GLIS3: variants seen among roughly 807,000 people sequenced by gnomAD.
The protein encoded by GLIS3 is GLIS family zinc finger 3, also known as zinc finger protein GLIS3.
GLIS3 carries 53 observed loss-of-function variants against 78.6 expected under a neutral mutation model. The ratio of observed to expected loss-of-function variants is 0.67; its 90% CI spans 0.54 to 0.85. The LOEUF (loss-of-function observed/expected upper bound fraction) is 0.85, where lower values mean the gene tolerates loss of function less well. Among genes scored for constraint, GLIS3 ranks in the 40% least tolerant of loss-of-function variants. GLIS3 has a pLI of 0.00. For synonymous variants in GLIS3, 684 were observed against 509.9 expected, an observed-to-expected ratio of 1.34 and a Z score of -4.60; for missense variants, 1,703 against 1,231.1, an observed-to-expected ratio of 1.38 and a Z score of -5.74.
intron 2 of GLIS3, among the ~76,000 whole-genome samples, chr9:4,137,815 A>G (rs1205394728): frequency 6.6e-6 from 1 of 152,234 alleles, no homozygotes; most frequent in African/African-American, 2.4e-5. Context: ...TAGTATAGCA[A>G]GAGTGTTAAA....
chr9:3,931,713 A>G (rs998980502), intron 6 of GLIS3, among the ~76,000 whole-genome samples: 15 of 152,234 alleles, frequency 9.9e-5, no homozygotes, highest in Admixed American at 9.8e-4. Flanking sequence ...CCAGGTGGAC[A>G]GGATGGTTGG....
At chr9:4,295,675 C>T (rs1587347446) in intron 1 of GLIS3, among the ~76,000 whole-genome samples, 2 of 152,272 alleles carry the variant, frequency 1.3e-5, no homozygotes, top group South Asian at 4.2e-4. Context: ...TGATAATGCT[C>T]TGTTTCTTGA....
the GLIS3 span, among the ~76,000 whole-genome samples, chr9:4,354,505 C>G: frequency 6.6e-6 from 1 of 152,120 alleles, no homozygotes; most frequent in African/African-American, 2.4e-5. Flanking sequence ...ACTATATTCC[C>G]TACAATAATA....
At chr9:4,050,084 C>A (rs565189957) in intron 4 of GLIS3, among the ~76,000 whole-genome samples, 6 of 152,250 alleles carry the variant, frequency 3.9e-5, no homozygotes, top group African/African-American at 1.4e-4. Flanking sequence ...TTGACCCAGC[C>A]ATCCCATTAC....
chr9:3,922,913 G>C (rs1824983834), intron 6 of GLIS3, among the ~76,000 whole-genome samples: 2 of 152,134 alleles, frequency 1.3e-5, no homozygotes, highest in Non-Finnish European at 2.9e-5. Flanking sequence ...AAGAAGGAAG[G>C]AAGTCAGTTG....
chr9:4,102,404 C>G (rs914654457), intron 4 of GLIS3, among the ~76,000 whole-genome samples: 3 of 152,130 alleles, frequency 2.0e-5, no homozygotes, highest in Non-Finnish European at 4.4e-5. Context: ...GGCCCTGTCT[C>G]TACAATGAAT....
chr9:3,959,506 A>C (rs184194549), intron 4 of GLIS3, among the ~76,000 whole-genome samples: 51 of 152,284 alleles, frequency 3.3e-4, no homozygotes, highest in Non-Finnish European at 6.2e-4. Context: ...TACCCAAAAG[A>C]AACTCCAAAT....
intron 6 of GLIS3, among the ~76,000 whole-genome samples, chr9:3,911,656 G>A (rs532909173): frequency 6.6e-6 from 1 of 152,286 alleles, no homozygotes; most frequent in African/African-American, 2.4e-5. Context: ...CCTTACTGAT[G>A]AAATATTAGA....
chr9:3,950,258 C>T (rs192992943), intron 4 of GLIS3, among the ~76,000 whole-genome samples: 1 of 152,332 alleles, frequency 6.6e-6, no homozygotes, highest in Admixed American at 6.5e-5. Context: ...TCTCCCCCAT[C>T]CACTCTTGTC....
chr9:3,872,617 G>A (rs1258094855), intron 8 of GLIS3, among the ~76,000 whole-genome samples: 1 of 152,118 alleles, frequency 6.6e-6, no homozygotes, highest in Non-Finnish European at 1.5e-5. Context: ...GCACTACCAA[G>A]ACAACAGTAT....
chr9:4,312,260 G>C (rs1817374733), intron 2 of GLIS3, among the ~76,000 whole-genome samples: 1 of 151,246 alleles, frequency 6.6e-6, no homozygotes, highest in Non-Finnish European at 1.5e-5. Flanking sequence ...TTGAGGTCAG[G>C]AGTTCAAGAC....
intron 2 of GLIS3, among the ~76,000 whole-genome samples, chr9:4,154,602 G>A (rs986211530): frequency 2.8e-5 from 3 of 105,730 alleles, no homozygotes; most frequent in African/African-American, 1.3e-4. Context: ...CAGTCCTTGC[G>A]AATCAATGAT....
At chr9:4,391,693 T>C in the GLIS3 span, among the ~76,000 whole-genome samples, 4 of 152,166 alleles carry the variant, frequency 2.6e-5, no homozygotes, top group African/African-American at 9.7e-5. Flanking sequence ...GAAATTCAGA[T>C]AGAGGTTTGT....
chr9:4,124,094 A>C (rs951191606), intron 3 of GLIS3, among the ~76,000 whole-genome samples: 6 of 152,136 alleles, frequency 3.9e-5, no homozygotes. Flanking sequence ...AAATACACAA[A>C]CCAAGGCTCA....
the GLIS3 span, among the ~76,000 whole-genome samples, chr9:4,423,633 G>A: frequency 6.6e-6 from 1 of 152,088 alleles, no homozygotes; most frequent in East Asian, 1.9e-4. Context: ...ATTTCTAGAG[G>A]ATATCACAAG....
chr9:4,449,537 C>T, the GLIS3 span, among the ~76,000 whole-genome samples: 7 of 152,174 alleles, frequency 4.6e-5, no homozygotes, highest in African/African-American at 7.2e-5. Context: ...CCCTGACCCC[C>T]GTGTAGCCTA....
intron 2 of GLIS3, among the ~76,000 whole-genome samples, chr9:4,212,931 T>G (rs1370914419): frequency 6.6e-6 from 1 of 152,024 alleles, no homozygotes; most frequent in Non-Finnish European, 1.5e-5. Context: ...ATAATCAGAT[T>G]TGGGGTTTGC....
rs1358490021 is a variant in GLIS3 at position 3,826,504 on chromosome 9, T to C, written c.*1768A>G. ...GCTAACTCATCTCTTTTGCAGACTT[T>C]GACGTCTACGTGAAAGCTTTTCTTA... On this transcript the variant is annotated 3_prime_UTR_variant, in exon 11 of 11. Coordinates refer to ENST00000381971, the MANE Select transcript of GLIS3 (RefSeq NM_001042413.2). 1 of 152,220 alleles carries C rather than the reference T, an allele frequency of 6.6e-6. No homozygotes were observed. Among genetic ancestry groups the C allele is most frequent in the Non-Finnish European group, 1.5e-5 (1 of 68,034 alleles). The allele number at this position is 152,220 out of a possible 1,614,324, so 9.4% of individuals were successfully genotyped here. A position where few individuals can be genotyped will look rare whatever the true frequency, so the allele number is the denominator to read the frequency against.
the GLIS3 span, among the ~76,000 whole-genome samples, chr9:4,436,810 CAAAAAA>C: frequency 3.7e-5 from 2 of 53,574 alleles, no homozygotes; most frequent in African/African-American, 1.5e-4. Context: ...GACTGCATCT[CAAAAAA>C]AAAAAAAAAA....
Sources: gnomAD v4.1 joint callset for allele counts (sites outside exome capture counted in the v4.1 genomes callset) on GRCh38, gnomAD v4.1.1 for gene constraint, MANE v1.5 for transcripts, NCBI Gene and HGNC (gene_info 2026-07-23, HGNC 2026-07-21) for gene names.